ZBTB8B: variants seen among roughly 807,000 people sequenced by gnomAD.
ZBTB8B encodes the protein zinc finger and BTB domain-containing protein 8B.
A neutral mutation model predicts 30.3 loss-of-function variants in ZBTB8B; 17 were observed. The ratio of observed to expected loss-of-function variants is 0.56; its 90% CI spans 0.38 to 0.84. The LOEUF is 0.84. Among genes scored for constraint, ZBTB8B ranks in the 40% least tolerant of loss-of-function variants. ZBTB8B has a pLI of 0.00. For missense variants in ZBTB8B, 515 were observed against 644.9 expected (o/e 0.80, Z 2.18); for synonymous variants, 248 against 255.6 (o/e 0.97, Z 0.28).
At position 32,465,655 on chromosome 1, in the gene ZBTB8B, C is replaced by G. The variant is rs1049150153; in HGVS notation, c.-42+550C>G. ...TTCTCCAGTGTCCTTCTCCTCCGAT[C>G]CATGCCTAAAAGAAAGGAGTGACTT... On this transcript the variant is annotated intron_variant, in intron 1 of 3. Coordinates refer to ENST00000609129, the MANE Select transcript of ZBTB8B (RefSeq NM_001145720.2). This position sits in a 1 kb window ranked among gnomAD's most constrained non-coding sequence, Gnocchi z 4.1. Among the ~76,000 whole-genome samples the G allele has an allele frequency of 1.3e-5, 2 of 152,202 alleles. No individual in the cohort carries two copies. The highest frequency in any genetic ancestry group is 2.9e-5 in the Non-Finnish European group (2 of 68,038).
intron 3 of ZBTB8B, among the ~76,000 whole-genome samples, chr1:32,482,014 C>T (rs1286675235): frequency 6.6e-6 from 1 of 152,040 alleles, no homozygotes; most frequent in Non-Finnish European, 1.5e-5. Flanking sequence ...GACAGAGTCT[C>T]ACTCTGTCAC....
rs1293155512 is a variant in ZBTB8B, at chr1:32,470,982, T to C, written c.358T>C (p.Ser120Pro). Residue 120 changes from serine to proline, a missense_variant, in exon 2 of 4, where the codon TCA becomes CCA. By Grantham distance (74) the Ser-to-Pro change is moderately conservative. Around this residue, in one of 3 missense-constraint regions of ZBTB8B, gnomAD observed 429 missense variants for 504.3 expected, o/e 0.85. Transcript: ENST00000609129. ...VVNFCKTYIR[S>P]SLDICRKMEK... is the part of the protein sequence containing the mutation. The stretch of plus-strand genomic sequence containing the variant: ...GAACTTCTGCAAGACATACATTAGG[T>C]CATCCCTCGACATTTGCCGAAAGAT... 6.4e-7 allele frequency: 1 copy of C among 1,552,124 alleles called. No individual in the cohort carries two copies. The highest frequency in any genetic ancestry group is 8.7e-7 in the Non-Finnish European group (1 of 1,147,126).
intron 2 of ZBTB8B, among the ~76,000 whole-genome samples, chr1:32,475,399 T>C (rs1643654510): frequency 6.6e-6 from 1 of 152,002 alleles, no homozygotes; most frequent in Non-Finnish European, 1.5e-5. Context: ...CTGGCCAACA[T>C]GGTGAAACCC....
intron 2 of ZBTB8B, among the ~76,000 whole-genome samples, chr1:32,477,856 A>C (rs780188891): frequency 7.9e-5 from 12 of 151,832 alleles, no homozygotes; most frequent in Non-Finnish European, 1.6e-4. Flanking sequence ...CAGGAGTTTG[A>C]GATCAGCCTG....
rs1557680961 is a variant in ZBTB8B at position 32,471,192 on chromosome 1, A to G, written c.568A>G (p.Arg190Gly). 1 of 1,551,906 alleles carries G rather than the reference A, an allele frequency of 6.4e-7. No homozygotes were observed. ...AEGEKSVECL[R>G]ESPCGDCGDC... The stretch of plus-strand genomic sequence containing the variant: ...GGGAGAAAAGAGCGTGGAGTGCCTG[A>G]GAGAGTCCCCTTGCGGTGACTGCGG... Residue 190 changes from arginine to glycine, a missense_variant, in exon 2 of 4, where the codon AGA (arginine) becomes GGA (glycine). Physicochemically the swap from Arg to Gly is moderately radical, Grantham distance 125. This residue lies in a region of ZBTB8B where 429 missense variants were observed against 504.3 expected (regional missense o/e 0.85). Transcript: ENST00000609129.
At position 32,487,932 on chromosome 1, in the gene ZBTB8B, A is replaced by C. The variant is rs928634468; in HGVS notation, c.*2514A>C. The C allele has an allele frequency of 6.6e-6, 1 of 152,050 alleles. No homozygotes were observed. Among genetic ancestry groups the C allele is most frequent in the African/African-American group, 2.4e-5 (1 of 41,394 alleles). 9.4% of individuals were successfully genotyped at this position (152,050 alleles called of 1,614,324 possible). A position where few individuals can be genotyped will look rare whatever the true frequency, so the allele number is the denominator to read the frequency against. ...ATCAGGGACCAGAGATATTTGTCTT[A>C]TCTGAAATAAAAATACTAGCTGTGG... On this transcript the variant is annotated 3_prime_UTR_variant, in exon 4 of 4. Coordinates refer to ENST00000609129, the MANE Select transcript of ZBTB8B (RefSeq NM_001145720.2).
At position 32,494,204 on chromosome 1, in the gene ZBTB8B, A is replaced by AAAAAAAAAC. The variant is rs1643800547; in HGVS notation, c.*8789_*8790insAAAAACAAA. The AAAAAAAAAC allele has an allele frequency of 6.6e-6, 1 of 151,546 alleles. No homozygotes were observed. The allele number at this position is 151,546 out of a possible 1,614,324, so 9.4% of individuals were successfully genotyped here. ...ATCTCAAAAAAAAAAAAAAAAAAAA[A>AAAAAAAAAC]AAAGAAATCAGGATACATATAGGAC... On this transcript the variant is annotated 3_prime_UTR_variant, in exon 4 of 4. Transcript: ENST00000609129.
At chr1:32,476,443 G>C (rs368015985) in intron 2 of ZBTB8B, among the ~76,000 whole-genome samples, 1 of 151,900 alleles carries the variant, frequency 6.6e-6, no homozygotes, top group East Asian at 1.9e-4. Flanking sequence ...CTCCTCCTCA[G>C]TGTGTCTCCT....
At chr1:32,473,525 T>G (rs1240561496) in intron 2 of ZBTB8B, among the ~76,000 whole-genome samples, 3 of 151,292 alleles carry the variant, frequency 2.0e-5, no homozygotes, top group African/African-American at 4.9e-5. Flanking sequence ...TTTTTTTTTT[T>G]TTTTTGAGAC....
In ZBTB8B at chr1:32,495,077, TG is replaced by T. The variant is rs1455718153; in HGVS notation, c.*9660del. 34 of 152,354 alleles carry T rather than the reference TG, an allele frequency of 2.2e-4. No homozygotes were observed. Among genetic ancestry groups the T allele is most frequent in the African/African-American group, 7.9e-4 (33 of 41,578 alleles). 9.4% of individuals were successfully genotyped at this position (152,354 alleles called of 1,614,324 possible). Reference sequence around the variant, plus strand: ...TTCCAAAGTGCTGAGATTACAGGTGTGAGCCACCATGTCCGGCCTCTAACTG... The same window carrying T: ...TTCCAAAGTGCTGAGATTACAGGTGTAGCCACCATGTCCGGCCTCTAACTG... On this transcript the variant is annotated 3_prime_UTR_variant, in exon 4 of 4. Transcript: ENST00000609129.
chr1:32,480,390 T>C (rs1643695586), intron 2 of ZBTB8B, among the ~76,000 whole-genome samples: 1 of 152,230 alleles, frequency 6.6e-6, no homozygotes, highest in African/African-American at 2.4e-5. Flanking sequence ...GGGCCCCACC[T>C]TATAAACTCA....
In ZBTB8B at chr1:32,470,827, T is replaced by G; in HGVS notation, c.203T>G (p.Leu68Trp). The stretch of plus-strand genomic sequence containing the variant: ...AGCGGGCGGCATAGCACCGCCTCCT[T>G]GGACATTGTCACCTCTGATGCCTTC... ...QDSGRHSTASLDIVTSDAFSI... is the reference protein window; with the variant it reads ...QDSGRHSTASWDIVTSDAFSI... The change falls in exon 2 of 4, where the codon TTG becomes TGG. Residue 68 changes from leucine to tryptophan, a missense_variant. Around this residue, in one of 3 missense-constraint regions of ZBTB8B, gnomAD observed 61 missense variants for 117.7 expected, o/e 0.52. Coordinates refer to ENST00000609129, the MANE Select transcript of ZBTB8B (RefSeq NM_001145720.2). 2 of 1,551,902 alleles carry G rather than the reference T, an allele frequency of 1.3e-6. No homozygotes were observed. The highest frequency in any genetic ancestry group is 1.7e-6 in the Non-Finnish European group (2 of 1,147,024).
At chr1:32,471,728 A>G in intron 2 of ZBTB8B, 113 bp downstream of exon 2, 1 of 1,204,318 alleles carries the variant, frequency 8.3e-7, no homozygotes, top group East Asian at 2.6e-5. Context: ...CACTACCAAC[A>G]TTATCAGTAC....
At chr1:32,471,714 T>C in intron 2 of ZBTB8B, 99 bp downstream of exon 2, 1 of 1,318,950 alleles carries the variant, frequency 7.6e-7, no homozygotes. Context: ...ACCATCATCA[T>C]TGTCACTACC....
At chr1:32,479,215 A>G (rs779627112) in intron 2 of ZBTB8B, among the ~76,000 whole-genome samples, 5 of 152,328 alleles carry the variant, frequency 3.3e-5, no homozygotes, top group Middle Eastern at 3.4e-3. Context: ...TAAATATTGA[A>G]GGGCATGGAT....
rs541160413 is a variant in ZBTB8B at position 32,469,246 on chromosome 1, A to ATT, written c.-41-1322_-41-1321dup. Among the ~76,000 whole-genome samples, 39 of 117,350 alleles carry ATT rather than the reference A, an allele frequency of 3.3e-4. 3 individuals carry two copies. Among genetic ancestry groups the ATT allele is most frequent in the Admixed American group, 8.3e-4 (9 of 10,908 alleles). 77.0% of individuals were successfully genotyped at this position (117,350 alleles called of 152,430 possible). On this transcript the variant is annotated intron_variant, in intron 1 of 3. Coordinates refer to ENST00000609129, the MANE Select transcript of ZBTB8B (RefSeq NM_001145720.2). ...TTGATACACTAAACACTCAAGTATAATTTTTTTTTTTTTTTTTGAGACAGA... is the reference window on the plus strand; with the variant it reads ...TTGATACACTAAACACTCAAGTATAATTTTTTTTTTTTTTTTTTTGAGACAGA...
At chr1:32,468,530 G>A (rs1643590454) in intron 1 of ZBTB8B, among the ~76,000 whole-genome samples, 1 of 152,046 alleles carries the variant, frequency 6.6e-6, no homozygotes, top group Non-Finnish European at 1.5e-5. Context: ...CCAAGAATGG[G>A]GGAAGGATGC....
At position 32,489,177 on chromosome 1, in the gene ZBTB8B, C is replaced by G. The variant is rs1570266253; in HGVS notation, c.*3759C>G. The G allele has an allele frequency of 6.6e-6, 1 of 152,240 alleles. No individual in the cohort carries two copies. The highest frequency in any genetic ancestry group is 6.5e-5 in the Admixed American group (1 of 15,300). 9.4% of individuals were successfully genotyped at this position (152,240 alleles called of 1,614,324 possible). A position where few individuals can be genotyped will look rare whatever the true frequency, so the allele number is the denominator to read the frequency against. ...GATTAGTAAAATGAAGCGCTGAGGC[C>G]AGATGGTTCATAGCTTGCCCAAGAT... is the stretch of plus-strand genomic sequence containing the variant. On this transcript the variant is annotated 3_prime_UTR_variant, in exon 4 of 4. Coordinates refer to ENST00000609129, the MANE Select transcript of ZBTB8B (RefSeq NM_001145720.2).
chr1:32,480,273 G>A (rs903659852), intron 2 of ZBTB8B, among the ~76,000 whole-genome samples: 2 of 151,862 alleles, frequency 1.3e-5, no homozygotes, highest in African/African-American at 4.8e-5. Context: ...GTGTGCTGGG[G>A]GTGGGGGTGA....
Sources: gnomAD v4.1 joint callset for allele counts (sites outside exome capture counted in the v4.1 genomes callset) on GRCh38, gnomAD v4.1.1 for gene constraint, gnomAD v4.1.1 regional missense constraint, Gnocchi (gnomAD v3.1) non-coding constraint, MANE v1.5 for transcripts, NCBI Gene and HGNC (gene_info 2026-07-23, HGNC 2026-07-21) for gene names.